The following PAK1 variants were observed in gnomAD, a reference collection of about 807,000 sequenced individuals.
PAK1 encodes p21 (RAC1) activated kinase 1.
A neutral mutation model predicts 67.4 loss-of-function variants in PAK1; 29 were observed. The ratio of observed to expected loss-of-function variants is 0.43; its 90% confidence interval spans 0.32 to 0.59. PAK1 has a LOEUF of 0.59. Ranked by LOEUF, PAK1 falls within the 20% of genes least tolerant of loss-of-function variation. The pLI is 0.07. For missense variants in PAK1, 337 were observed against 670.7 expected (o/e 0.50, Z 5.50); for synonymous variants, 223 against 237.4 (o/e 0.94, Z 0.56).
At chr11:77,423,402 TACACACACACAC>T (rs5792767) in intron 1 of PAK1, among the ~76,000 whole-genome samples, 63 of 137,018 alleles carry the variant, frequency 4.6e-4, no homozygotes, top group Middle Eastern at 3.6e-3. Context: ...TGCTTTCAAA[TACACACACACAC>T]ACACACACAC....
At chr11:77,380,343 A>T (rs551598454) in intron 2 of PAK1, among the ~76,000 whole-genome samples, 3 of 152,318 alleles carry the variant, frequency 2.0e-5, no homozygotes, top group African/African-American at 7.2e-5. Context: ...AAATACAAAA[A>T]TTAGCTAGAC....
chr11:77,474,008 G>C lies in PAK1; in HGVS notation c.-478C>G, dbSNP rs1958004286. On this transcript the variant is annotated 5_prime_UTR_variant, in exon 1 of 15. Coordinates refer to ENST00000356341, the MANE Select transcript of PAK1 (RefSeq NM_002576.5). The stretch of plus-strand genomic sequence containing the variant: ...GGGAGCGTGTGGGGGAAGCCGTGAG[G>C]GGGCGTCTACTGTGCAGCCACCACC... 6.6e-6 allele frequency: 1 copy of C among 151,882 alleles called. No individual in the cohort carries two copies. The highest frequency in any genetic ancestry group is 1.5e-5 in the Non-Finnish European group (1 of 68,134). The allele number at this position is 151,882 out of a possible 1,614,324, so 9.4% of individuals were successfully genotyped here.
At chr11:77,510,560 T>C in the PAK1 span, among the ~76,000 whole-genome samples, 1 of 152,206 alleles carries the variant, frequency 6.6e-6, no homozygotes. Flanking sequence ...TTTGATAGGC[T>C]CTTCTTAGGA....
chr11:77,465,269 C>A (rs1034141454), intron 1 of PAK1, among the ~76,000 whole-genome samples: 2 of 152,092 alleles, frequency 1.3e-5, no homozygotes, highest in African/African-American at 4.8e-5. Flanking sequence ...GATTTGGAGA[C>A]AGAAAATATG....
chr11:77,335,025 C>T (rs951806989), intron 13 of PAK1, among the ~76,000 whole-genome samples: 2 of 152,152 alleles, frequency 1.3e-5, no homozygotes, highest in Non-Finnish European at 2.9e-5. Context: ...AATCTACCCT[C>T]CTCCTCCTTC....
At chr11:77,415,054 C>A (rs2138105675) in intron 1 of PAK1, among the ~76,000 whole-genome samples, 1 of 151,966 alleles carries the variant, frequency 6.6e-6, no homozygotes, top group Admixed American at 6.5e-5. Context: ...TTAAAAAAAA[C>A]AACTGTGCAA....
At chr11:77,367,585 G>A (rs1947776411) in intron 5 of PAK1, among the ~76,000 whole-genome samples, 1 of 152,180 alleles carries the variant, frequency 6.6e-6, no homozygotes, top group Non-Finnish European at 1.5e-5. Context: ...TAAATTGACT[G>A]AAAGATGAAG....
chr11:77,456,165 C>T (rs908824048), intron 1 of PAK1, among the ~76,000 whole-genome samples: 8 of 151,978 alleles, frequency 5.3e-5, no homozygotes, highest in African/African-American at 1.9e-4. Flanking sequence ...TTACTAAGCA[C>T]TAATAACTGT....
rs562647768 is a variant in PAK1, at chr11:77,469,319, G to T, written c.-22+4233C>A. On this transcript the variant is annotated intron_variant, in intron 1 of 14. Coordinates refer to ENST00000356341, the MANE Select transcript of PAK1 (RefSeq NM_002576.5). ...GAGATACCAGCAATCATCTCATAAG[G>T]TTATTCTGAGGGTTAAAAAGAACAT... Among the ~76,000 whole-genome samples the T allele has an allele frequency of 2.6e-5, 4 of 152,244 alleles. No homozygotes were observed. The East Asian group carries it at 7.7e-4, about 29-fold the overall frequency.
intron 1 of PAK1, among the ~76,000 whole-genome samples, chr11:77,404,279 T>C (rs1398806092): frequency 2.0e-5 from 3 of 151,930 alleles, no homozygotes; most frequent in African/African-American, 7.3e-5. Context: ...TTCTTTTTTT[T>C]TTTTCTGAGA....
chr11:77,376,117 G>A (rs866199622), intron 4 of PAK1, among the ~76,000 whole-genome samples: 25 of 152,132 alleles, frequency 1.6e-4, no homozygotes, highest in African/African-American at 6.0e-4. Flanking sequence ...TGCCTTCACT[G>A]CACTACCCCC....
chr11:77,346,972 C>A, intron 9 of PAK1: 1 of 453,934 alleles, frequency 2.2e-6, no homozygotes, highest in South Asian at 1.6e-5. Flanking sequence ...AACATTCTTC[C>A]TATATGTGAG....
intron 2 of PAK1, 101 bp downstream of exon 2, chr11:77,392,230 T>C: frequency 5.8e-6 from 5 of 855,812 alleles, no homozygotes; most frequent in Non-Finnish European, 8.7e-6. Context: ...AAGAAAACAT[T>C]AAAGGAAAAT....
chr11:77,402,574 C>T (rs1415649256), intron 1 of PAK1, among the ~76,000 whole-genome samples: 2 of 152,034 alleles, frequency 1.3e-5, no homozygotes, highest in African/African-American at 4.8e-5. Context: ...AGGTTGAGGC[C>T]TGTAAGGCCT....
chr11:77,382,140 T>C (rs1949917941), intron 2 of PAK1, among the ~76,000 whole-genome samples: 1 of 152,204 alleles, frequency 6.6e-6, no homozygotes, highest in South Asian at 2.1e-4. Flanking sequence ...CTATTATATA[T>C]AATTGATATA....
chr11:77,476,129 C>T (rs117434344), upstream of PAK1: 5,482 of 152,424 alleles, frequency 0.036, 123 homozygotes, highest in Middle Eastern at 0.085. Context: ...GTGATTGCAC[C>T]ACCACACTCC....
chr11:77,477,641 T>A (rs1033709490), upstream of PAK1, among the ~76,000 whole-genome samples: 19 of 148,928 alleles, frequency 1.3e-4, no homozygotes, highest in Admixed American at 1.3e-4. Context: ...TAGTCCCAGC[T>A]ACCCAGGAGG....
chr11:77,513,670 CAAAAAAAAAAAAAAAA>C, the PAK1 span, among the ~76,000 whole-genome samples: 1 of 52,926 alleles, frequency 1.9e-5, no homozygotes, highest in African/African-American at 8.1e-5. Flanking sequence ...GACTCTGTCT[CAAAAAAAAAAAAAAAA>C]AAAAAAAAAA....
chr11:77,387,248 T>G (rs2137290498), intron 2 of PAK1, among the ~76,000 whole-genome samples: 1 of 151,930 alleles, frequency 6.6e-6, no homozygotes, highest in South Asian at 2.1e-4. Flanking sequence ...AATTTCTGTA[T>G]TTTTAGTAGA....
Sources: allele counts gnomAD v4.1 joint callset (sites outside exome capture counted in the v4.1 genomes callset), GRCh38; gene constraint gnomAD v4.1.1; transcripts MANE v1.5; gene names NCBI Gene and HGNC (gene_info 2026-07-23, HGNC 2026-07-21).